Variants in ERBB4 observed in about 807,000 individuals in gnomAD.
ERBB4 encodes erb-b2 receptor tyrosine kinase 4.
In ERBB4, 42 loss-of-function variants were observed where a neutral mutation model predicts 158.0. That is an observed-to-expected ratio of 0.27 (90% confidence interval 0.21 to 0.34). The LOEUF is 0.34. ERBB4 is among the 10% of genes least tolerant of loss of function. ERBB4 has a pLI of 1.00. For missense variants in ERBB4, 1,333 were observed against 1,624.1 expected, an observed-to-expected ratio of 0.82 and a Z score of 3.08; for synonymous variants, 583 against 558.7, an observed-to-expected ratio of 1.04 and a Z score of -0.61.
intron 2 of ERBB4, among the ~76,000 whole-genome samples, chr2:211,986,330 A>G (rs2081936765): frequency 6.6e-6 from 1 of 152,176 alleles, no homozygotes. Flanking sequence ...TGAATATACT[A>G]TCCAATCATT....
chr2:211,659,311 T>C (rs576132353), intron 15 of ERBB4, among the ~76,000 whole-genome samples: 1 of 152,120 alleles, frequency 6.6e-6, no homozygotes, highest in South Asian at 2.1e-4. Context: ...GTATGAAAAG[T>C]CTTTTAAAAA....
intron 1 of ERBB4, among the ~76,000 whole-genome samples, chr2:212,521,909 C>T (rs1206501422): frequency 1.3e-5 from 2 of 151,870 alleles, no homozygotes; most frequent in Non-Finnish European, 2.9e-5. Flanking sequence ...AATGAAACCA[C>T]AATGTTAAGT....
chr2:212,329,632 G>A (rs1327145370), intron 1 of ERBB4, among the ~76,000 whole-genome samples: 1 of 152,014 alleles, frequency 6.6e-6, no homozygotes, highest in East Asian at 1.9e-4. Context: ...AGATTCATCA[G>A]GTGTAGGATA....
chr2:211,781,555 A>G (rs1013079075), intron 4 of ERBB4, among the ~76,000 whole-genome samples: 2 of 152,218 alleles, frequency 1.3e-5, no homozygotes, highest in Non-Finnish European at 2.9e-5. Context: ...ACAACCTTCT[A>G]GTTACTAAAA....
intron 1 of ERBB4, among the ~76,000 whole-genome samples, chr2:212,478,883 G>A (rs1399930606): frequency 6.6e-6 from 1 of 152,110 alleles, no homozygotes; most frequent in East Asian, 1.9e-4. Context: ...TTTGTGGGCA[G>A]GAATGATGAT....
chr2:212,242,996 A>C (rs911396996), intron 1 of ERBB4, among the ~76,000 whole-genome samples: 2 of 152,146 alleles, frequency 1.3e-5, no homozygotes, highest in Non-Finnish European at 2.9e-5. Flanking sequence ...TCCCCATTGC[A>C]TGAAATTTGC....
intron 1 of ERBB4, among the ~76,000 whole-genome samples, chr2:212,179,457 A>T (rs114894270): frequency 0.01 from 1,560 of 151,578 alleles, 30 homozygotes; most frequent in African/African-American, 0.034. Flanking sequence ...GTAAGAGAAA[A>T]AACAGGGACA....
At chr2:211,406,319 T>C (rs2125366144) in intron 25 of ERBB4, among the ~76,000 whole-genome samples, 1 of 152,330 alleles carries the variant, frequency 6.6e-6, no homozygotes, top group East Asian at 1.9e-4. Flanking sequence ...AATAAATGTT[T>C]GATGAATGGA....
intron 2 of ERBB4, among the ~76,000 whole-genome samples, chr2:211,989,416 C>A (rs1170490548): frequency 6.6e-6 from 1 of 151,766 alleles, no homozygotes; most frequent in Admixed American, 6.6e-5. Context: ...ACAACTGCTG[C>A]CCAACACTGT....
intron 2 of ERBB4, among the ~76,000 whole-genome samples, chr2:212,062,253 G>T (rs889319484): frequency 4.6e-5 from 7 of 152,038 alleles, no homozygotes; most frequent in Non-Finnish European, 1.0e-4. Context: ...ATGTAGAAAT[G>T]ACTGCTTTTC....
At chr2:211,594,815 A>G (rs965805015) in intron 19 of ERBB4, among the ~76,000 whole-genome samples, 3 of 152,212 alleles carry the variant, frequency 2.0e-5, no homozygotes, top group Admixed American at 2.0e-4. Flanking sequence ...GTATTCTTTC[A>G]TTCCCTAAAG....
intron 20 of ERBB4, among the ~76,000 whole-genome samples, chr2:211,512,335 A>T (rs932753243): frequency 6.6e-6 from 1 of 152,032 alleles, no homozygotes; most frequent in African/African-American, 2.4e-5. Context: ...ATTCTGGGAG[A>T]CCTTTTGTAA....
chr2:212,242,245 A>G (rs1023270141), intron 1 of ERBB4, among the ~76,000 whole-genome samples: 3 of 151,712 alleles, frequency 2.0e-5, no homozygotes, highest in Admixed American at 6.6e-5. Flanking sequence ...ATTAATATTT[A>G]AAAGACATAG....
intron 20 of ERBB4, among the ~76,000 whole-genome samples, chr2:211,503,265 G>A (rs571303897): frequency 2.2e-4 from 34 of 152,084 alleles, no homozygotes; most frequent in Non-Finnish European, 4.1e-4. Flanking sequence ...CACCCACCCT[G>A]CAAAATTCTG....
intron 1 of ERBB4, among the ~76,000 whole-genome samples, chr2:212,374,293 T>A (rs1337434456): frequency 1.3e-5 from 2 of 151,594 alleles, no homozygotes; most frequent in African/African-American, 4.8e-5. Flanking sequence ...CTATTTTGAC[T>A]TTGAAGGAAG....
At chr2:211,403,317 A>G (rs924031320) in intron 25 of ERBB4, among the ~76,000 whole-genome samples, 2 of 152,158 alleles carry the variant, frequency 1.3e-5, no homozygotes, top group African/African-American at 4.8e-5. Context: ...CAAGGTTAAT[A>G]TGCTGTAAGA....
intron 1 of ERBB4, among the ~76,000 whole-genome samples, chr2:212,268,401 G>A (rs985568166): frequency 1.3e-5 from 2 of 151,750 alleles, no homozygotes; most frequent in Non-Finnish European, 2.9e-5. Flanking sequence ...ATTAATTTTC[G>A]TATGTGCTGT....
intron 1 of ERBB4, among the ~76,000 whole-genome samples, chr2:212,234,774 G>A (rs909499304): frequency 3.3e-5 from 5 of 152,142 alleles, no homozygotes; most frequent in African/African-American, 4.8e-5. Context: ...CTGCATAAAT[G>A]TCTTCTTTTG....
At chr2:211,396,484 ATCTTC>A (rs2062921537) in intron 25 of ERBB4, among the ~76,000 whole-genome samples, 2 of 152,328 alleles carry the variant, frequency 1.3e-5, no homozygotes, top group East Asian at 3.9e-4. Flanking sequence ...GAAATATTCA[ATCTTC>A]TCTTTAGTAA....
Sources: allele counts gnomAD v4.1 joint callset (sites outside exome capture counted in the v4.1 genomes callset), GRCh38; gene constraint gnomAD v4.1.1; transcripts MANE v1.5; gene names NCBI Gene and HGNC (gene_info 2026-07-23, HGNC 2026-07-21).